ZNF81: variants seen among roughly 807,000 people sequenced by gnomAD.
ZNF81 encodes zinc finger protein 81 (HFZ20).
Under a neutral mutation model 32.3 loss-of-function variants are expected in ZNF81, and 5 were observed. The observed-to-expected ratio is 0.15, with a 90% confidence interval of 0.08 to 0.33. ZNF81 has a LOEUF of 0.33. Ranked by LOEUF, ZNF81 falls within the 10% of genes least tolerant of loss-of-function variation. The pLI is 1.00. For missense variants in ZNF81, 379 were observed against 479.8 expected, an observed-to-expected ratio of 0.79 and a Z score of 1.96; for synonymous variants, 163 against 166.8, an observed-to-expected ratio of 0.98 and a Z score of 0.17.
intron 2 of ZNF81, among the ~76,000 whole-genome samples, chrX:47,852,062 A>G (rs2058497749): frequency 8.8e-6 from 1 of 113,064 alleles, no homozygotes; most frequent in African/African-American, 3.2e-5. Flanking sequence ...AAAGAGAGTC[A>G]TACAAATTTT....
intron 4 of ZNF81, among the ~76,000 whole-genome samples, chrX:47,905,410 A>T (rs1397477782): frequency 1.2e-5 from 1 of 82,123 alleles, no homozygotes; most frequent in Non-Finnish European, 2.4e-5. Flanking sequence ...GACTCCATCT[A>T]AAAAAAAAAA....
At chrX:47,864,513 G>A (rs949212713) in intron 2 of ZNF81, among the ~76,000 whole-genome samples, 1 of 111,744 alleles carries the variant, frequency 8.9e-6, no homozygotes, top group Non-Finnish European at 1.9e-5. Flanking sequence ...GGGGCCACAC[G>A]TCATGTGATG....
At chrX:47,851,699 C>T (rs1237319680) in intron 2 of ZNF81, among the ~76,000 whole-genome samples, 2 of 112,230 alleles carry the variant, frequency 1.8e-5, no homozygotes, top group Non-Finnish European at 3.8e-5. Flanking sequence ...GTTTATGAAT[C>T]TTTTCTGTTC....
chrX:47,858,574 A>G (rs1556882159), intron 2 of ZNF81, among the ~76,000 whole-genome samples: 2 of 111,112 alleles, frequency 1.8e-5, no homozygotes, highest in Non-Finnish European at 1.9e-5. Context: ...TTGCCCTGGA[A>G]TTCTACTCTG....
At chrX:47,904,301 G>A (rs1556888635) in intron 4 of ZNF81, among the ~76,000 whole-genome samples, 1 of 107,800 alleles carries the variant, frequency 9.3e-6, no homozygotes, top group Non-Finnish European at 1.9e-5. Context: ...GAAAATTTTT[G>A]CAACCTACTC....
At chrX:47,905,066 G>C (rs1156657647) in intron 4 of ZNF81, among the ~76,000 whole-genome samples, 1 of 109,207 alleles carries the variant, frequency 9.2e-6, no homozygotes, top group Non-Finnish European at 1.9e-5. Flanking sequence ...ACTGTTGTGG[G>C]GTGGGGGGAG....
intron 4 of ZNF81, among the ~76,000 whole-genome samples, chrX:47,907,538 T>G (rs918006283): frequency 6.3e-5 from 7 of 111,548 alleles, no homozygotes; most frequent in Non-Finnish European, 1.1e-4. Context: ...AAGCATTTTT[T>G]GTAGAAAAAA....
chrX:47,910,169 C>T (rs1433654280), intron 4 of ZNF81, among the ~76,000 whole-genome samples: 1 of 111,507 alleles, frequency 9.0e-6, no homozygotes, highest in Admixed American at 9.5e-5. Flanking sequence ...TTCTAGATCC[C>T]TGAGGAATCG....
At chrX:47,846,791 T>C (rs782690873) in intron 2 of ZNF81, among the ~76,000 whole-genome samples, 2 of 112,013 alleles carry the variant, frequency 1.8e-5, no homozygotes, top group Non-Finnish European at 1.9e-5. Context: ...GTGTTATCTA[T>C]TGGCTTTCCA....
chrX:47,856,666 C>T (rs2058518457), intron 2 of ZNF81, among the ~76,000 whole-genome samples: 1 of 111,579 alleles, frequency 9.0e-6, no homozygotes, highest in African/African-American at 3.3e-5. Context: ...AAGACCCAGC[C>T]GGGCGCGGTG....
At chrX:47,886,808 A>C (rs1390839066) in intron 2 of ZNF81, among the ~76,000 whole-genome samples, 2 of 110,780 alleles carry the variant, frequency 1.8e-5, no homozygotes, top group East Asian at 5.6e-4. Flanking sequence ...TTCACAAGCT[A>C]AAGTGCCAGC....
At position 47,920,951 on chromosome X, in the gene ZNF81, T is replaced by C. The variant is rs2058774795; in HGVS notation, c.*4319T>C. 9.0e-6 allele frequency: 1 copy of C among 111,671 alleles called. No homozygotes were observed. The highest frequency in any genetic ancestry group is 1.9e-5 in the Non-Finnish European group (1 of 53,174). 9.2% of individuals were successfully genotyped at this position (111,671 alleles called of 1,213,427 possible). On this transcript the variant is annotated 3_prime_UTR_variant, in exon 5 of 5. Coordinates refer to ENST00000338637, the MANE Select transcript of ZNF81 (RefSeq NM_007137.5). ...CAGGAGAGGCACTTGTCTTTTATTA[T>C]ATTTCAAGCTAGTTGGTTGCTCTGT... is the stretch of plus-strand genomic sequence containing the variant.
At chrX:47,850,891 G>GCACACACACACA (rs782209480) in intron 2 of ZNF81, among the ~76,000 whole-genome samples, 1 of 53,424 alleles carries the variant, frequency 1.9e-5, no homozygotes, top group African/African-American at 6.5e-5. Context: ...AGGCACGCGC[G>GCACACACACACA]CACACACACA....
chrX:47,887,739 C>G (rs782361814), intron 2 of ZNF81, among the ~76,000 whole-genome samples: 1 of 111,098 alleles, frequency 9.0e-6, no homozygotes, highest in South Asian at 3.8e-4. Context: ...AAAATAGGAT[C>G]AAGGTCAAAT....
intron 2 of ZNF81, among the ~76,000 whole-genome samples, chrX:47,880,570 A>G (rs2058616820): frequency 8.9e-6 from 1 of 112,154 alleles, no homozygotes; most frequent in South Asian, 3.7e-4. Flanking sequence ...TAAAGAATAA[A>G]TTTCCAAAAT....
intron 2 of ZNF81, among the ~76,000 whole-genome samples, chrX:47,856,753 T>C (rs2058518900): frequency 9.0e-6 from 1 of 111,266 alleles, no homozygotes; most frequent in Non-Finnish European, 1.9e-5. Flanking sequence ...TAGACCAGCC[T>C]GGCCAACATG....
chrX:47,868,388 T>C (rs1458623633), intron 2 of ZNF81, among the ~76,000 whole-genome samples: 1 of 111,922 alleles, frequency 8.9e-6, no homozygotes, highest in African/African-American at 3.2e-5. Context: ...AATGCCTATC[T>C]ATTTCCTTAA....
rs1556891509 is a variant in ZNF81 at position 47,919,165 on chromosome X, T to A, written c.*2533T>A. On this transcript the variant is annotated 3_prime_UTR_variant, in exon 5 of 5. Transcript: ENST00000338637. ...ACACATTTTGCATGGGGTGGTAATG[T>A]GAATACTTTGTGACCAGAAGACACA... is the stretch of plus-strand genomic sequence containing the variant. The A allele has an allele frequency of 3.0e-6, 1 of 328,835 alleles. No homozygotes were observed. The highest frequency in any genetic ancestry group is 2.7e-5 in the African/African-American group (1 of 37,573). The allele number at this position is 328,835 out of a possible 1,213,427, so 27.1% of individuals were successfully genotyped here.
At chrX:47,888,458 G>A (rs1192617733) in intron 3 of ZNF81, among the ~76,000 whole-genome samples, 2 of 111,111 alleles carry the variant, frequency 1.8e-5, no homozygotes, top group Non-Finnish European at 3.8e-5. Flanking sequence ...ACATCTGTAA[G>A]CCAAGAAACA....
Sources: gnomAD v4.1 joint callset for allele counts (sites outside exome capture counted in the v4.1 genomes callset) on GRCh38, gnomAD v4.1.1 for gene constraint, MANE v1.5 for transcripts, NCBI Gene and HGNC (gene_info 2026-07-23, HGNC 2026-07-21) for gene names.